NDST3: variants seen among roughly 807,000 people sequenced by gnomAD.
NDST3 encodes the protein bifunctional heparan sulfate N-deacetylase/N-sulfotransferase 3.
NDST3 carries 58 observed loss-of-function variants against 96.1 expected under a neutral mutation model. That is an observed-to-expected ratio of 0.60 (90% confidence interval 0.49 to 0.75). The LOEUF (loss-of-function observed/expected upper bound fraction) is 0.75. Among genes scored for constraint, NDST3 ranks in the 30% least tolerant of loss-of-function variants. The pLI is 0.00. For missense variants in NDST3, 788 were observed against 1,034.2 expected (o/e 0.76, Z 3.27); for synonymous variants, 333 against 359.7 (o/e 0.93, Z 0.84).
intron 6 of NDST3, among the ~76,000 whole-genome samples, chr4:118,179,242 A>C (rs1736451802): frequency 6.6e-6 from 1 of 152,058 alleles, no homozygotes; most frequent in Non-Finnish European, 1.5e-5. Flanking sequence ...AAAGGCAGTC[A>C]GTATATTTGC....
At chr4:118,040,770 C>T (rs1309316127) in intron 1 of NDST3, among the ~76,000 whole-genome samples, 2 of 151,086 alleles carry the variant, frequency 1.3e-5, no homozygotes, top group East Asian at 1.9e-4. Context: ...GCAGCCTCCA[C>T]CTCCCAGGCT....
intron 6 of NDST3, among the ~76,000 whole-genome samples, chr4:118,159,869 CAAAAT>C (rs1734972253): frequency 6.6e-6 from 1 of 151,816 alleles, no homozygotes; most frequent in South Asian, 2.1e-4. Flanking sequence ...GCCCAGGGAG[CAAAAT>C]AAAATAAAAC....
At chr4:118,197,803 C>CTTT (rs749135213) in intron 6 of NDST3, among the ~76,000 whole-genome samples, 14,579 of 127,182 alleles carry the variant, frequency 0.11, 939 homozygotes, top group South Asian at 0.15. Flanking sequence ...TGGCTTTTGG[C>CTTT]TTTTTTTTTT....
At position 118,137,930 on chromosome 4, in the gene NDST3, T is replaced by C. The variant is rs185324566; in HGVS notation, c.1225-124T>C. The stretch of plus-strand genomic sequence containing the variant: ...GTTAATACTTATATCACTTTAATTT[T>C]ACCACACAATTAAGTAATGATGCAT... On this transcript the variant is annotated intron_variant, in intron 4 of 13. Coordinates refer to ENST00000296499, the MANE Select transcript of NDST3 (RefSeq NM_004784.3). 122 of 835,622 alleles carry C rather than the reference T, an allele frequency of 1.5e-4. No homozygotes were observed. In the African/African-American group the frequency reaches 1.9e-3, roughly 13 times the overall value. 51.8% of individuals were successfully genotyped at this position (835,622 alleles called of 1,614,324 possible).
intron 6 of NDST3, among the ~76,000 whole-genome samples, chr4:118,221,670 A>C (rs1175784713): frequency 1.3e-5 from 2 of 152,040 alleles, no homozygotes; most frequent in African/African-American, 4.8e-5. Context: ...CATAAAGACT[A>C]ATGTATGTGG....
At chr4:118,148,122 C>T (rs998096076) in intron 6 of NDST3, among the ~76,000 whole-genome samples, 1 of 152,094 alleles carries the variant, frequency 6.6e-6, no homozygotes, top group Non-Finnish European at 1.5e-5. Flanking sequence ...CACGGTGAAA[C>T]CCTGTCTCTA....
chr4:118,248,929 A>C (rs1741484155), intron 12 of NDST3, among the ~76,000 whole-genome samples: 1 of 152,152 alleles, frequency 6.6e-6, no homozygotes, highest in Non-Finnish European at 1.5e-5. Context: ...CCATTGGGTA[A>C]ATAAACATGC....
chr4:118,058,442 A>C (rs1578550077), intron 2 of NDST3, among the ~76,000 whole-genome samples: 1 of 151,822 alleles, frequency 6.6e-6, no homozygotes, highest in Non-Finnish European at 1.5e-5. Flanking sequence ...AAAAAAAAAA[A>C]AAAACAGACC....
At chr4:118,113,198 G>A (rs1248392267) in intron 3 of NDST3, among the ~76,000 whole-genome samples, 1 of 152,012 alleles carries the variant, frequency 6.6e-6, no homozygotes, top group African/African-American at 2.4e-5. Context: ...CATGTGACTT[G>A]GCCACACAAC....
At chr4:118,159,416 A>G (rs959234074) in intron 6 of NDST3, among the ~76,000 whole-genome samples, 1 of 152,228 alleles carries the variant, frequency 6.6e-6, no homozygotes, top group Non-Finnish European at 1.5e-5. Context: ...AGAGGACCTC[A>G]GAATCTCTTA....
chr4:118,189,807 G>C (rs1333995529), intron 6 of NDST3, among the ~76,000 whole-genome samples: 7 of 151,960 alleles, frequency 4.6e-5, no homozygotes, highest in Non-Finnish European at 1.0e-4. Context: ...CCTCAAAAGA[G>C]AAAACCAAAT....
At chr4:118,091,847 TCTA>T (rs148398949) in intron 2 of NDST3, among the ~76,000 whole-genome samples, 254 of 151,904 alleles carry the variant, frequency 1.7e-3, no homozygotes, top group African/African-American at 5.8e-3. Flanking sequence ...TTTTATAATC[TCTA>T]CTATGTTTTT....
intron 6 of NDST3, among the ~76,000 whole-genome samples, chr4:118,172,996 A>C (rs943087724): frequency 2.6e-5 from 4 of 152,130 alleles, no homozygotes; most frequent in Non-Finnish European, 4.4e-5. Flanking sequence ...ATTGCAGACA[A>C]GAACAAGGAA....
chr4:118,149,207 CT>C (rs763623010), intron 6 of NDST3, among the ~76,000 whole-genome samples: 3 of 152,150 alleles, frequency 2.0e-5, no homozygotes, highest in Non-Finnish European at 2.9e-5. Flanking sequence ...CAGCTTTGTT[CT>C]TTTGGCTTAG....
intron 6 of NDST3, among the ~76,000 whole-genome samples, chr4:118,223,202 T>C (rs1053485208): frequency 4.6e-5 from 7 of 152,084 alleles, no homozygotes; most frequent in Admixed American, 4.6e-4. Context: ...AACTTCCAAA[T>C]TTAAGAATGA....
At chr4:118,167,716 T>C (rs1735653540) in intron 6 of NDST3, among the ~76,000 whole-genome samples, 1 of 151,974 alleles carries the variant, frequency 6.6e-6, no homozygotes, top group African/African-American at 2.4e-5. Context: ...GATAGACACA[T>C]AGACCAATGG....
At chr4:118,239,332 G>A (rs1474832764) in intron 10 of NDST3, among the ~76,000 whole-genome samples, 1 of 152,000 alleles carries the variant, frequency 6.6e-6, no homozygotes, top group Admixed American at 6.6e-5. Context: ...GTAGGGAAAG[G>A]TCATAAAAGC....
chr4:118,096,810 A>C (rs1322305038), intron 2 of NDST3, among the ~76,000 whole-genome samples: 1 of 151,944 alleles, frequency 6.6e-6, no homozygotes, highest in Non-Finnish European at 1.5e-5. Context: ...CAGCAGAGCT[A>C]AGTGTGTAGT....
At chr4:118,196,267 T>G (rs1179479452) in intron 6 of NDST3, among the ~76,000 whole-genome samples, 2 of 152,284 alleles carry the variant, frequency 1.3e-5, no homozygotes, top group South Asian at 2.1e-4. Flanking sequence ...TTGAGGCCTT[T>G]TGCATCAAGA....
Sources: gnomAD v4.1 joint callset for allele counts (sites outside exome capture counted in the v4.1 genomes callset) on GRCh38, gnomAD v4.1.1 for gene constraint, MANE v1.5 for transcripts, NCBI Gene and HGNC (gene_info 2026-07-23, HGNC 2026-07-21) for gene names.